Variants in ARHGAP17 observed in about 807,000 individuals in gnomAD.
ARHGAP17 encodes the protein Rho GTPase activating protein 17, also known as rho GTPase-activating protein 17.
ARHGAP17 carries 57 observed loss-of-function variants against 99.5 expected under a neutral mutation model. The ratio of observed to expected loss-of-function variants is 0.57; its 90% CI spans 0.46 to 0.71. The LOEUF (loss-of-function observed/expected upper bound fraction) is 0.71. ARHGAP17 is among the 30% of genes least tolerant of loss of function. The pLI is 0.00. For synonymous variants in ARHGAP17, 417 were observed against 429.6 expected, an observed-to-expected ratio of 0.97 and a Z score of 0.36; for missense variants, 1,000 against 1,122.4, an observed-to-expected ratio of 0.89 and a Z score of 1.56.
intron 16 of ARHGAP17, among the ~76,000 whole-genome samples, chr16:24,941,158 C>A (rs2051301474): frequency 6.6e-6 from 1 of 152,124 alleles, no homozygotes; most frequent in Non-Finnish European, 1.5e-5. Flanking sequence ...ATACAAAGAA[C>A]AAGAAACAAA....
rs2052097734 is a variant in ARHGAP17, at chr16:24,964,119, A to T, written c.573+78T>A. 10 of 946,938 alleles carry T rather than the reference A, an allele frequency of 1.1e-5. No homozygotes were observed. The South Asian group carries it at 2.0e-4, about 19-fold the overall frequency. The allele number at this position is 946,938 out of a possible 1,614,324, so 58.7% of individuals were successfully genotyped here. A position where few individuals can be genotyped will look rare whatever the true frequency, so the allele number is the denominator to read the frequency against. On this transcript the variant is annotated intron_variant, in intron 7 of 19. Coordinates refer to ENST00000289968, the MANE Select transcript of ARHGAP17 (RefSeq NM_001006634.3). ...TATTCTGATAGAAATTATTTAAAAC[A>T]TTAAGTAACTTACATTTGAACTTTC...
rs201343065 is a variant in ARHGAP17 at position 24,964,266 on chromosome 16, C to T, written c.504G>A (p.Gly168=). Residue 168 remains glycine (G), a synonymous_variant, in exon 7 of 20, where the codon GGG becomes GGA. Coordinates refer to ENST00000289968, the MANE Select transcript of ARHGAP17 (RefSeq NM_001006634.3). ...TTAGAGTATCTATTTTTGATGGAAGCCCCTGAAAGTTGGTTCCTGAGGATT... is the reference window on the plus strand; with the variant it reads ...TTAGAGTATCTATTTTTGATGGAAGTCCCTGAAAGTTGGTTCCTGAGGATT... ...AHKSSGTNFQ[G]LPSKIDTLKE... 2.2e-5 allele frequency: 36 copies of T among 1,613,726 alleles called. No homozygotes were observed. Among genetic ancestry groups the T allele is most frequent in the Non-Finnish European group, 2.9e-5 (34 of 1,179,952 alleles).
chr16:24,952,806 A>G, intron 11 of ARHGAP17, 125 bp downstream of exon 11: 1 of 772,268 alleles, frequency 1.3e-6, no homozygotes, highest in Non-Finnish European at 2.2e-6. Flanking sequence ...TTGTAGCAAG[A>G]GCCACTTCGG....
intron 19 of ARHGAP17, among the ~76,000 whole-genome samples, chr16:24,922,784 T>G (rs1253566947): frequency 6.6e-6 from 1 of 151,978 alleles, no homozygotes; most frequent in African/African-American, 2.4e-5. Flanking sequence ...CAACTGATCC[T>G]CCCACCTCAG....
chr16:24,968,268 C>T, intron 6 of ARHGAP17, 83 bp downstream of exon 6: 1 of 1,512,640 alleles, frequency 6.6e-7, no homozygotes, highest in Non-Finnish European at 9.2e-7. Flanking sequence ...TTGGTGAGCA[C>T]TTCCATTGTG....
chr16:24,952,557 A>T (rs1181673319), intron 11 of ARHGAP17, among the ~76,000 whole-genome samples, 187 bp from the exon 12 acceptor site: 1 of 152,250 alleles, frequency 6.6e-6, no homozygotes, highest in East Asian at 1.9e-4. Flanking sequence ...TGAAAAAAAA[A>T]AGTTTTAAGA....
chr16:24,967,027 T>A (rs1246449180), intron 6 of ARHGAP17, among the ~76,000 whole-genome samples: 1 of 152,224 alleles, frequency 6.6e-6, no homozygotes, highest in African/African-American at 2.4e-5. Flanking sequence ...ACCTAATTGA[T>A]ATCAGTTGAA....
At chr16:24,941,660 T>C in intron 16 of ARHGAP17, 2 of 272,812 alleles carry the variant, frequency 7.3e-6, no homozygotes, top group Non-Finnish European at 1.4e-5. Flanking sequence ...TGAATTTATT[T>C]TCCTTTCTGT....
At position 25,011,698 on chromosome 16, in the gene ARHGAP17, CAA is replaced by C. The variant is rs11299719; in HGVS notation, c.53+3509_53+3510del. 1.1e-3 allele frequency among the ~76,000 whole-genome samples: 138 copies of C among 122,774 alleles called. 1 individual carries two copies. Among genetic ancestry groups the C allele is most frequent in the African/African-American group, 2.3e-3 (77 of 33,814 alleles). 80.5% of individuals were successfully genotyped at this position (122,774 alleles called of 152,430 possible). On this transcript the variant is annotated intron_variant, in intron 1 of 19. Coordinates refer to ENST00000289968, the MANE Select transcript of ARHGAP17 (RefSeq NM_001006634.3). ...TGGGTGACAGAGCCAGACTCCGTCT[CAA>C]AAAAAAAAAAAAAGAGTGGAACCCC...
rs35739918 is a variant in ARHGAP17, at chr16:24,968,042, T to C, written c.461+309A>G. Among the ~76,000 whole-genome samples the C allele has an allele frequency of 3.2e-3, 492 of 152,294 alleles. 2 individuals carry two copies. Among genetic ancestry groups the C allele is most frequent in the Admixed American group, 7.4e-3 (113 of 15,298 alleles). On this transcript the variant is annotated intron_variant, in intron 6 of 19. Coordinates refer to ENST00000289968, the MANE Select transcript of ARHGAP17 (RefSeq NM_001006634.3). The stretch of plus-strand genomic sequence containing the variant: ...TCATGAGCTGTTAGGGCCACAGATG[T>C]GTTTATTCCTACACTCTGAGTTGTG...
At chr16:24,970,385 T>C (rs993643900) in intron 4 of ARHGAP17, 122 bp downstream of exon 4, 2 of 933,432 alleles carry the variant, frequency 2.1e-6, no homozygotes, top group African/African-American at 1.6e-5. Flanking sequence ...GCCGGTCTCC[T>C]AGCGGATGAG....
chr16:24,952,200 T>C (rs1045105590), intron 12 of ARHGAP17, 89 bp downstream of exon 12: 5 of 935,306 alleles, frequency 5.3e-6, no homozygotes, highest in South Asian at 3.4e-5. Context: ...TTTAATCTTA[T>C]GATCCCTGAG....
chr16:24,986,043 T>C lies in ARHGAP17; in HGVS notation c.54-7038A>G, dbSNP rs374588419. Among the ~76,000 whole-genome samples, 28 of 152,298 alleles carry C rather than the reference T, an allele frequency of 1.8e-4. 1 individual carries two copies. Among genetic ancestry groups the C allele is most frequent in the East Asian group, 1.3e-3 (7 of 5,192 alleles). ...CCCTCCAGCCTCATATTCAATCTAA[T>C]TGAACTGTGGACTGAAGACAGTTGA... On this transcript the variant is annotated intron_variant, in intron 1 of 19. Transcript: ENST00000289968.
At chr16:24,935,992 C>A (rs1469008010) in intron 17 of ARHGAP17, 4 of 340,534 alleles carry the variant, frequency 1.2e-5, no homozygotes, top group African/African-American at 8.6e-5. Flanking sequence ...AGACTGGACT[C>A]CAACGACTCT....
chr16:24,943,675 A>C, intron 15 of ARHGAP17, 96 bp downstream of exon 15: 1 of 1,080,504 alleles, frequency 9.3e-7, no homozygotes, highest in Non-Finnish European at 1.4e-6. Flanking sequence ...CAATTACGTA[A>C]TCATGAAGAA....
chr16:24,931,933 T>C (rs1022494287), intron 18 of ARHGAP17, among the ~76,000 whole-genome samples: 3 of 152,104 alleles, frequency 2.0e-5, no homozygotes, highest in Non-Finnish European at 4.4e-5. Context: ...CTGAGCAACG[T>C]GGCAAAACCC....
At chr16:25,012,484 C>T (rs758681764) in intron 1 of ARHGAP17, among the ~76,000 whole-genome samples, 4 of 152,246 alleles carry the variant, frequency 2.6e-5, no homozygotes, top group Non-Finnish European at 5.9e-5. Context: ...TAACTTCCTT[C>T]TCCACCTAGA....
chr16:25,013,983 T>A (rs1309187838), intron 1 of ARHGAP17: 1 of 152,182 alleles, frequency 6.6e-6, no homozygotes, highest in African/African-American at 2.4e-5. Flanking sequence ...AGTAGGTTTG[T>A]CTGGGCTTTA....
chr16:24,963,304 T>G (rs1193299883), intron 7 of ARHGAP17, among the ~76,000 whole-genome samples: 1 of 152,230 alleles, frequency 6.6e-6, no homozygotes, highest in African/African-American at 2.4e-5. Flanking sequence ...CCCACTATAT[T>G]ATTTTTATAT....
Sources: gnomAD v4.1 joint callset for allele counts (sites outside exome capture counted in the v4.1 genomes callset) on GRCh38, gnomAD v4.1.1 for gene constraint, MANE v1.5 for transcripts, NCBI Gene and HGNC (gene_info 2026-07-23, HGNC 2026-07-21) for gene names.